The following ADAMTS19 variants were observed in gnomAD, a reference collection of about 807,000 sequenced individuals.
ADAMTS19 encodes the protein ADAM metallopeptidase with thrombospondin type 1 motif 19.
A neutral mutation model predicts 153.3 loss-of-function variants in ADAMTS19; 93 were observed. That is an observed-to-expected ratio of 0.61 (90% confidence interval 0.51 to 0.72). ADAMTS19 has a LOEUF of 0.72. ADAMTS19 is among the 30% of genes least tolerant of loss of function. The pLI, the probability that ADAMTS19 is intolerant of heterozygous loss-of-function variation, is 0.00. For missense variants in ADAMTS19, 1,482 were observed against 1,552.1 expected (o/e 0.95, Z 0.76); for synonymous variants, 600 against 556.6 (o/e 1.08, Z -1.10).
chr5:129,709,705 A>G (rs1422312721), intron 21 of ADAMTS19, among the ~76,000 whole-genome samples: 1 of 152,202 alleles, frequency 6.6e-6, no homozygotes, highest in African/African-American at 2.4e-5. Flanking sequence ...AACATTCCTT[A>G]CGTACATACT....
chr5:129,519,463 C>A (rs1751719052), intron 3 of ADAMTS19, among the ~76,000 whole-genome samples: 1 of 152,012 alleles, frequency 6.6e-6, no homozygotes, highest in Admixed American at 6.6e-5. Context: ...TGCCAGAACT[C>A]CCTTGGCCAT....
chr5:129,606,590 C>T (rs1400476277), intron 8 of ADAMTS19, among the ~76,000 whole-genome samples: 1 of 152,210 alleles, frequency 6.6e-6, no homozygotes, highest in Non-Finnish European at 1.5e-5. Context: ...GTGGTCCTAA[C>T]CTTCATGTCA....
intron 8 of ADAMTS19, among the ~76,000 whole-genome samples, chr5:129,607,433 C>T (rs568589877): frequency 7.2e-5 from 11 of 152,148 alleles, no homozygotes; most frequent in African/African-American, 2.4e-4. Flanking sequence ...ATATGTTGTA[C>T]AAGTGAATAA....
At chr5:129,630,333 G>C (rs1287191955) in intron 10 of ADAMTS19, among the ~76,000 whole-genome samples, 1 of 152,104 alleles carries the variant, frequency 6.6e-6, no homozygotes, top group Non-Finnish European at 1.5e-5. Context: ...ACATGAAATA[G>C]TTGGAGGACA....
chr5:129,485,238 C>T (rs1018609927), intron 2 of ADAMTS19, among the ~76,000 whole-genome samples: 2 of 151,924 alleles, frequency 1.3e-5, no homozygotes, highest in African/African-American at 4.8e-5. Context: ...TAAAACAATG[C>T]GCTACTAAAT....
At chr5:129,513,698 T>A (rs1414051175) in intron 3 of ADAMTS19, among the ~76,000 whole-genome samples, 1 of 152,008 alleles carries the variant, frequency 6.6e-6, no homozygotes, top group Non-Finnish European at 1.5e-5. Flanking sequence ...GCACATGAAA[T>A]GTCTTCATAT....
At chr5:129,685,013 AAG>A (rs1755017151) in intron 18 of ADAMTS19, among the ~76,000 whole-genome samples, 3 of 151,756 alleles carry the variant, frequency 2.0e-5, no homozygotes, top group Non-Finnish European at 4.4e-5. Context: ...GAAAAAAAAA[AAG>A]AAGTCTGTGG....
rs113465626 is a variant in ADAMTS19, at chr5:129,577,788, T to C, written c.1373-18771T>C. 2.0e-3 allele frequency among the ~76,000 whole-genome samples: 298 copies of C among 152,250 alleles called. 2 individuals carry two copies. The highest frequency in any genetic ancestry group is 6.8e-3 in the African/African-American group (283 of 41,552). On this transcript the variant is annotated intron_variant, in intron 7 of 22. Coordinates refer to ENST00000274487, the MANE Select transcript of ADAMTS19 (RefSeq NM_133638.6). Reference sequence around the variant, plus strand: ...AAAATTTATTTACATATATTTGTTATATTGCCTTGATATCTTTAAGAATTG... The same window carrying C: ...AAAATTTATTTACATATATTTGTTACATTGCCTTGATATCTTTAAGAATTG...
At chr5:129,733,944 CGTGTGTGTGTGTGT>C (rs34177749) in intron 21 of ADAMTS19, among the ~76,000 whole-genome samples, 31,387 of 147,664 alleles carry the variant, frequency 0.21, 3,517 homozygotes, top group East Asian at 0.35. Context: ...CAAGTGTGTG[CGTGTGTGTGTGTGT>C]GTGTGTGTGT....
chr5:129,492,649 T>C (rs985229472), intron 2 of ADAMTS19, among the ~76,000 whole-genome samples: 6 of 152,272 alleles, frequency 3.9e-5, no homozygotes, highest in Admixed American at 2.6e-4. Flanking sequence ...TCATTACCTA[T>C]AATCACTATT....
chr5:129,709,096 G>C (rs1196428055), intron 21 of ADAMTS19, among the ~76,000 whole-genome samples: 4 of 151,988 alleles, frequency 2.6e-5, no homozygotes, highest in African/African-American at 7.2e-5. Flanking sequence ...AATAGGAGAG[G>C]AATTAGACAA....
intron 21 of ADAMTS19, among the ~76,000 whole-genome samples, chr5:129,706,563 CAAAA>C (rs1175652790): frequency 1.5e-5 from 1 of 66,614 alleles, no homozygotes. Context: ...GAGTGAAACT[CAAAA>C]AAAAAAAAAA....
intron 6 of ADAMTS19, among the ~76,000 whole-genome samples, chr5:129,534,772 C>T (rs534191525): frequency 3.9e-5 from 6 of 152,184 alleles, no homozygotes; most frequent in East Asian, 1.9e-4. Context: ...GTTCAACATA[C>T]GAAAATCAAT....
At chr5:129,540,632 A>T (rs957824134) in intron 6 of ADAMTS19, among the ~76,000 whole-genome samples, 1 of 152,130 alleles carries the variant, frequency 6.6e-6, no homozygotes, top group Non-Finnish European at 1.5e-5. Flanking sequence ...TTAATAAAAC[A>T]TATGAATTGC....
At chr5:129,543,117 T>A (rs1203519264) in intron 6 of ADAMTS19, among the ~76,000 whole-genome samples, 1 of 151,830 alleles carries the variant, frequency 6.6e-6, no homozygotes, top group Non-Finnish European at 1.5e-5. Context: ...TGGCATGATC[T>A]TGGCTCACCA....
chr5:129,689,006 T>G (rs952337907), intron 18 of ADAMTS19, among the ~76,000 whole-genome samples: 5 of 152,178 alleles, frequency 3.3e-5, no homozygotes, highest in Admixed American at 3.3e-4. Flanking sequence ...CTCCAAAATA[T>G]CTGAGGATTG....
intron 16 of ADAMTS19, 133 bp from the exon 17 acceptor site, chr5:129,679,631 A>C (rs561211988): frequency 2.4e-6 from 2 of 836,224 alleles, no homozygotes; most frequent in South Asian, 2.1e-5. Context: ...AGCTGCCTCA[A>C]GTTTTACATC....
chr5:129,556,491 G>A (rs919214456), intron 7 of ADAMTS19, among the ~76,000 whole-genome samples: 3 of 152,128 alleles, frequency 2.0e-5, no homozygotes, highest in Non-Finnish European at 4.4e-5. Flanking sequence ...GTCCTCAAGA[G>A]TGTATTTGCC....
At chr5:129,518,882 T>C (rs1314066300) in intron 3 of ADAMTS19, among the ~76,000 whole-genome samples, 3 of 152,182 alleles carry the variant, frequency 2.0e-5, no homozygotes, top group Non-Finnish European at 1.5e-5. Context: ...TTTTTTATTC[T>C]TTTTTGTTTT....
Sources: allele counts gnomAD v4.1 joint callset (sites outside exome capture counted in the v4.1 genomes callset), GRCh38; gene constraint gnomAD v4.1.1; transcripts MANE v1.5; gene names NCBI Gene and HGNC (gene_info 2026-07-23, HGNC 2026-07-21).